Variants in DGKB observed in about 807,000 individuals in gnomAD.
DGKB encodes 90 kDa diacylglycerol kinase.
Under a neutral mutation model 114.3 loss-of-function variants are expected in DGKB, and 67 were observed. That is an observed-to-expected ratio of 0.59 (90% CI 0.48 to 0.72). The LOEUF (loss-of-function observed/expected upper bound fraction) is 0.72. Among genes scored for constraint, DGKB ranks in the 30% least tolerant of loss-of-function variants. The probability of loss-of-function intolerance (pLI) is 0.00; values close to 1 mark genes in which losing one functional copy is unlikely to be tolerated. For missense variants in DGKB, 907 were observed against 975.2 expected, an observed-to-expected ratio of 0.93 and a Z score of 0.93; for synonymous variants, 398 against 323.1, an observed-to-expected ratio of 1.23 and a Z score of -2.49.
chr7:14,436,356 G>A (rs1829263724), intron 21 of DGKB, among the ~76,000 whole-genome samples: 1 of 151,980 alleles, frequency 6.6e-6, no homozygotes, highest in Non-Finnish European at 1.5e-5. Context: ...AATAAATACA[G>A]GCAAATACTA....
chr7:14,508,267 C>T (rs572802932), intron 20 of DGKB, among the ~76,000 whole-genome samples: 1 of 152,262 alleles, frequency 6.6e-6, no homozygotes, highest in South Asian at 2.1e-4. Context: ...CTTCCTTGAC[C>T]TCTTCTGCCT....
At chr7:14,247,913 C>G (rs763140343) in intron 23 of DGKB, among the ~76,000 whole-genome samples, 1 of 151,970 alleles carries the variant, frequency 6.6e-6, no homozygotes, top group Non-Finnish European at 1.5e-5. Flanking sequence ...AGCCAAAAAA[C>G]AAATCATTGC....
chr7:14,322,841 A>C (rs1315945259), intron 23 of DGKB, among the ~76,000 whole-genome samples: 1 of 152,226 alleles, frequency 6.6e-6, no homozygotes, highest in Non-Finnish European at 1.5e-5. Flanking sequence ...TCACATCATT[A>C]GTCATCATTA....
chr7:14,775,644 A>G (rs1429791200), intron 2 of DGKB, among the ~76,000 whole-genome samples: 1 of 151,840 alleles, frequency 6.6e-6, no homozygotes, highest in African/African-American at 2.4e-5. Context: ...CTTCTTCCCA[A>G]TTTCGTTCTG....
intron 23 of DGKB, among the ~76,000 whole-genome samples, chr7:14,304,953 C>T (rs148494824): frequency 6.6e-5 from 10 of 151,714 alleles, no homozygotes; most frequent in Admixed American, 2.6e-4. Context: ...ACTCAAAGTA[C>T]ATACATATCT....
At chr7:14,210,965 G>C (rs1395357783) in intron 23 of DGKB, among the ~76,000 whole-genome samples, 3 of 151,784 alleles carry the variant, frequency 2.0e-5, no homozygotes, top group Non-Finnish European at 4.4e-5. Context: ...TGAATATATT[G>C]ATCCACTTGC....
chr7:14,285,465 G>A (rs937738111), intron 23 of DGKB, among the ~76,000 whole-genome samples: 1 of 152,164 alleles, frequency 6.6e-6, no homozygotes, highest in East Asian at 1.9e-4. Flanking sequence ...CATTACAAGT[G>A]CAGAAGTCTG....
intron 25 of DGKB, among the ~76,000 whole-genome samples, chr7:14,162,114 A>T (rs1368962794): frequency 1.3e-5 from 2 of 152,172 alleles, no homozygotes; most frequent in African/African-American, 4.8e-5. Flanking sequence ...CTTGTTTTCT[A>T]ATTTTAATAC....
intron 25 of DGKB, among the ~76,000 whole-genome samples, chr7:14,156,230 T>A (rs2128219168): frequency 6.6e-6 from 1 of 152,286 alleles, no homozygotes; most frequent in Non-Finnish European, 1.5e-5. Context: ...CAATGGTCTG[T>A]ATGTCCGTGA....
chr7:14,242,881 A>T (rs368414665), intron 23 of DGKB, among the ~76,000 whole-genome samples: 61 of 93,384 alleles, frequency 6.5e-4, no homozygotes, highest in Non-Finnish European at 8.3e-4. Context: ...TTTTTTTTTT[A>T]AAGTATGTGA....
At chr7:14,937,295 C>T (rs563278993) in intron 1 of DGKB, among the ~76,000 whole-genome samples, 3 of 151,952 alleles carry the variant, frequency 2.0e-5, no homozygotes, top group African/African-American at 7.2e-5. Flanking sequence ...TATGAAGACT[C>T]TCCTATAAAA....
chr7:14,319,075 G>A (rs1201722083), intron 23 of DGKB, among the ~76,000 whole-genome samples: 1 of 150,222 alleles, frequency 6.7e-6, no homozygotes, highest in Non-Finnish European at 1.5e-5. Flanking sequence ...CTCATAGGTG[G>A]GAATTGAACA....
intron 1 of DGKB, among the ~76,000 whole-genome samples, chr7:14,886,318 C>G (rs902726470): frequency 6.6e-6 from 1 of 151,826 alleles, no homozygotes; most frequent in African/African-American, 2.4e-5. Flanking sequence ...CAGATAAGCT[C>G]AGTTTTGATA....
At chr7:14,788,649 A>T (rs1284766018) in intron 2 of DGKB, among the ~76,000 whole-genome samples, 3 of 152,218 alleles carry the variant, frequency 2.0e-5, no homozygotes, top group African/African-American at 7.2e-5. Context: ...AGCCCATCCC[A>T]AGCCTGATGA....
At chr7:14,282,966 C>G (rs962163820) in intron 23 of DGKB, among the ~76,000 whole-genome samples, 6 of 151,790 alleles carry the variant, frequency 4.0e-5, no homozygotes, top group African/African-American at 1.2e-4. Flanking sequence ...ACAGGGATGC[C>G]CTCTCTCACC....
At chr7:14,412,980 CA>C (rs34787132) in intron 21 of DGKB, among the ~76,000 whole-genome samples, 106,006 of 141,498 alleles carry the variant, frequency 0.75, 39,363 homozygotes, top group Middle Eastern at 0.82. Context: ...GACTCCAGCT[CA>C]AAAAAAAAAA....
At chr7:14,899,483 G>C (rs1458770594) in intron 1 of DGKB, among the ~76,000 whole-genome samples, 1 of 152,078 alleles carries the variant, frequency 6.6e-6, no homozygotes, top group African/African-American at 2.4e-5. Context: ...TTGTTATTTA[G>C]TGTCCCTCAG....
chr7:14,549,444 C>A (rs1390291472), intron 20 of DGKB, among the ~76,000 whole-genome samples: 1 of 151,804 alleles, frequency 6.6e-6, no homozygotes, highest in African/African-American at 2.4e-5. Context: ...CTGTTTTCTT[C>A]TTTCACCAAA....
rs377227977 is a variant in DGKB, at chr7:14,557,354, T to C, written c.1770+16858A>G. Among the ~76,000 whole-genome samples the C allele has an allele frequency of 5.3e-5, 8 of 152,342 alleles. No individual in the cohort carries two copies. In the East Asian group the frequency reaches 1.2e-3, roughly 22 times the overall value. On this transcript the variant is annotated intron_variant, in intron 20 of 25. Transcript: ENST00000402815. ...TGTGGCTATGTCTTTAAATTTATTA[T>C]GCTGTGTATTTATTTCTTTCTGTTA...
Sources: gnomAD v4.1 joint callset for allele counts (sites outside exome capture counted in the v4.1 genomes callset) on GRCh38, gnomAD v4.1.1 for gene constraint, MANE v1.5 for transcripts, NCBI Gene and HGNC (gene_info 2026-07-23, HGNC 2026-07-21) for gene names.